The following DYNC2I2 variants were observed in gnomAD, a reference collection of about 807,000 sequenced individuals.
The protein encoded by DYNC2I2 is cytoplasmic dynein 2 intermediate chain 2.
Under a neutral mutation model 52.0 loss-of-function variants are expected in DYNC2I2, and 39 were observed. The observed-to-expected ratio is 0.75, with a 90% CI of 0.58 to 0.98. The LOEUF is 0.98. Among genes scored for constraint, DYNC2I2 ranks in the 50% least tolerant of loss-of-function variants. The pLI is 0.00. For synonymous variants in DYNC2I2, 359 were observed against 321.1 expected, an observed-to-expected ratio of 1.12 and a Z score of -1.26; for missense variants, 743 against 728.4, an observed-to-expected ratio of 1.02 and a Z score of -0.23.
At chr9:128,645,226 T>C (rs185121863) in intron 1 of DYNC2I2, among the ~76,000 whole-genome samples, 1 of 151,108 alleles carries the variant, frequency 6.6e-6, no homozygotes, top group East Asian at 1.9e-4. Context: ...CCGGGCATAG[T>C]GGCTCATGCC....
At chr9:128,656,440 C>T in intron 1 of DYNC2I2, 101 bp downstream of exon 1, 1 of 1,041,388 alleles carries the variant, frequency 9.6e-7, no homozygotes, top group East Asian at 3.9e-5. Context: ...GACGCCCGAA[C>T]CCGCCCGGCA....
intron 1 of DYNC2I2, among the ~76,000 whole-genome samples, chr9:128,648,320 T>C (rs943216962): frequency 6.6e-5 from 10 of 152,048 alleles, no homozygotes; most frequent in Admixed American, 2.0e-4. Context: ...GACAGGAGAA[T>C]CACTTAAACC....
chr9:128,634,488 C>T, intron 7 of DYNC2I2, 105 bp from the exon 8 acceptor site: 1 of 1,445,206 alleles, frequency 6.9e-7, no homozygotes. Flanking sequence ...CGTGAAGAGC[C>T]TCCCGGGTCC....
chr9:128,663,010 G>A, the DYNC2I2 span: 7 of 151,958 alleles, frequency 4.6e-5, no homozygotes, highest in African/African-American at 1.7e-4. Context: ...TGGCCAGGCT[G>A]GTCTCAAACT....
In DYNC2I2 at chr9:128,636,928, C is replaced by T; in HGVS notation, c.535G>A (p.Ala179Thr). The change falls in exon 3 of 9, where the codon GCC becomes ACC. Residue 179 changes from alanine (A) to threonine (T), a missense_variant. Coordinates refer to ENST00000372715, the MANE Select transcript of DYNC2I2 (RefSeq NM_052844.4). ...WNSTGSVVAC[A>T]YGRLDHGDWS... The stretch of plus-strand genomic sequence containing the variant: ...CCCGCTGCCACTCACCGGCCGTAGG[C>T]ACAGGCCACCACAGAGCCAGTGGAG... The T allele has an allele frequency of 6.2e-7, 1 of 1,612,410 alleles. No individual in the cohort carries two copies. Among genetic ancestry groups the T allele is most frequent in the Non-Finnish European group, 8.5e-7 (1 of 1,179,902 alleles).
At chr9:128,655,128 G>T (rs1860792125) in intron 1 of DYNC2I2, among the ~76,000 whole-genome samples, 1 of 151,776 alleles carries the variant, frequency 6.6e-6, no homozygotes, top group African/African-American at 2.4e-5. Flanking sequence ...TCTCATCAGA[G>T]CATCTCCTTT....
intron 1 of DYNC2I2, among the ~76,000 whole-genome samples, chr9:128,649,688 C>A (rs1357629346): frequency 1.5e-3 from 69 of 47,226 alleles, no homozygotes; most frequent in Admixed American, 2.1e-3. Context: ...GACTCCATCT[C>A]AAAAAAAAAA....
the DYNC2I2 span, among the ~76,000 whole-genome samples, chr9:128,668,295 C>T: frequency 7.2e-6 from 1 of 138,892 alleles, no homozygotes; most frequent in South Asian, 2.1e-4. Flanking sequence ...TGCCCGCCTC[C>T]GCCTCCCAGA....
chr9:128,676,282 G>A, the DYNC2I2 span, among the ~76,000 whole-genome samples: 2 of 152,104 alleles, frequency 1.3e-5, no homozygotes, highest in African/African-American at 4.8e-5. Context: ...CTGTGGTCAG[G>A]AGTTCAAGAT....
chr9:128,653,210 C>CA (rs1860752212), intron 1 of DYNC2I2, among the ~76,000 whole-genome samples: 1 of 150,828 alleles, frequency 6.6e-6, no homozygotes, highest in African/African-American at 2.5e-5. Flanking sequence ...GCCTGGGCAA[C>CA]AAAGCGAGAC....
chr9:128,673,333 A>G, the DYNC2I2 span, among the ~76,000 whole-genome samples: 1 of 152,176 alleles, frequency 6.6e-6, no homozygotes, highest in African/African-American at 2.4e-5. Flanking sequence ...AAAATACAGT[A>G]GCAAACAGTT....
chr9:128,684,110 C>T, the DYNC2I2 span: 3 of 905,174 alleles, frequency 3.3e-6, no homozygotes, highest in Non-Finnish European at 5.1e-6. Context: ...CCCCTAAGCA[C>T]CCCCAAAGGG....
At chr9:128,676,823 A>G in the DYNC2I2 span, among the ~76,000 whole-genome samples, 2 of 145,678 alleles carry the variant, frequency 1.4e-5, no homozygotes, top group Non-Finnish European at 3.0e-5. Context: ...CTGAGCCACT[A>G]TGGTTGGCCC....
chr9:128,680,102 C>G, the DYNC2I2 span, among the ~76,000 whole-genome samples: 1 of 152,004 alleles, frequency 6.6e-6, no homozygotes, highest in Non-Finnish European at 1.5e-5. Flanking sequence ...CTCTTGTTGC[C>G]CAGGCTGGAG....
chr9:128,635,359 T>C lies in DYNC2I2; in HGVS notation c.814-100A>G, dbSNP rs1860376274. On this transcript the variant is annotated intron_variant, in intron 5 of 8. Transcript: ENST00000372715. ...CCCTCTCTTCCAGGAAAAAAAAAAA[T>C]TCTCCGGGAGGCCCCAGAACCAGGC... The C allele has an allele frequency of 6.5e-6, 9 of 1,375,878 alleles. No individual in the cohort carries two copies. The East Asian group carries it at 2.3e-4, about 35-fold the overall frequency. 85.2% of individuals were successfully genotyped at this position (1,375,878 alleles called of 1,614,324 possible). A position where few individuals can be genotyped will look rare whatever the true frequency, so the allele number is the denominator to read the frequency against.
chr9:128,672,290 A>ATTTTAAAATC, the DYNC2I2 span, among the ~76,000 whole-genome samples: 2 of 151,862 alleles, frequency 1.3e-5, no homozygotes, highest in Non-Finnish European at 2.9e-5. Context: ...TTTTTAGTAG[A>ATTTTAAAATC]GACAGGGTTT....
At position 128,656,751 on chromosome 9, in the gene DYNC2I2, G is replaced by A. The variant is rs1439153628; in HGVS notation, c.-25C>T. On this transcript the variant is annotated 5_prime_UTR_variant, in exon 1 of 9. Coordinates refer to ENST00000372715, the MANE Select transcript of DYNC2I2 (RefSeq NM_052844.4). ...TGGAGACGGTTCCGCCCTCTCGTGC[G>A]GACGCACTCAGGCGCGACCTCCGCC... The A allele has an allele frequency of 1.5e-6, 2 of 1,344,188 alleles. No homozygotes were observed. The highest frequency in any genetic ancestry group is 1.5e-5 in the African/African-American group (1 of 65,894). The allele number at this position is 1,344,188 out of a possible 1,614,324, so 83.3% of individuals were successfully genotyped here.
chr9:128,635,215 C>T lies in DYNC2I2; in HGVS notation c.858G>A (p.Val286=), dbSNP rs749120293. 5.0e-6 allele frequency: 8 copies of T among 1,613,038 alleles called. No individual in the cohort carries two copies. The highest frequency in any genetic ancestry group is 1.7e-5 in the Admixed American group (1 of 59,996). Residue 286 remains valine, a synonymous_variant, in exon 6 of 9, where the codon GTG becomes GTA. Coordinates refer to ENST00000372715, the MANE Select transcript of DYNC2I2 (RefSeq NM_052844.4). The part of the protein sequence containing the change: ...PEPGHSHRFQ[V]LSVATDGKVL... ...CCTTCCCGTCGGTGGCCACACTCAGCACCTGGAAGCGGTGGCTGTGCCCAG... is the reference window on the plus strand; with the variant it reads ...CCTTCCCGTCGGTGGCCACACTCAGTACCTGGAAGCGGTGGCTGTGCCCAG...
chr9:128,635,779 G>C lies in DYNC2I2; in HGVS notation c.704-12C>G, dbSNP rs1367379590. 11 of 1,604,598 alleles carry C rather than the reference G, an allele frequency of 6.9e-6. No individual in the cohort carries two copies. Among genetic ancestry groups the C allele is most frequent in the Non-Finnish European group, 9.4e-6 (11 of 1,174,990 alleles). ...ACTGTACAGCCCTCCTGCAGGGACA[G>C]TGGACCTGGGCAGAGGCTCAGCCCC... is the stretch of plus-strand genomic sequence containing the variant. On this transcript the variant is annotated splice_polypyrimidine_tract_variant and intron_variant, in intron 4 of 8. Coordinates refer to ENST00000372715, the MANE Select transcript of DYNC2I2 (RefSeq NM_052844.4).
Sources: allele counts gnomAD v4.1 joint callset (sites outside exome capture counted in the v4.1 genomes callset), GRCh38; gene constraint gnomAD v4.1.1; transcripts MANE v1.5; gene names NCBI Gene and HGNC (gene_info 2026-07-23, HGNC 2026-07-21).